Variants in EXO1 observed in about 807,000 individuals in gnomAD.
EXO1 encodes exonuclease 1.
In EXO1, 69 loss-of-function variants were observed where a neutral mutation model predicts 84.5. The observed-to-expected ratio is 0.82, with a 90% CI of 0.67 to 1.00. The LOEUF (loss-of-function observed/expected upper bound fraction) is 1.00, where lower values mean the gene tolerates loss of function less well. EXO1 is among the 50% of genes least tolerant of loss of function. The pLI is 0.00. For missense variants in EXO1, 1,045 were observed against 1,000.7 expected (o/e 1.04, Z -0.60); for synonymous variants, 373 against 366.1 (o/e 1.02, Z -0.21).
intron 15 of EXO1, among the ~76,000 whole-genome samples, chr1:241,885,864 T>TTGAGAGA (rs1663041529): frequency 1.9e-3 from 4 of 2,076 alleles, no homozygotes; most frequent in Admixed American, 0.013. Flanking sequence ...TTTTGTTTTT[T>TTGAGAGA]GTTTTTTTGA....
chr1:241,852,008 T>C (rs1660698271), intron 4 of EXO1, among the ~76,000 whole-genome samples: 1 of 152,190 alleles, frequency 6.6e-6, no homozygotes, highest in African/African-American at 2.4e-5. Context: ...AAACCAAAGA[T>C]GTCAGAATTA....
rs543887227 is a variant in EXO1 at position 241,867,029 on chromosome 1, C to A, written c.1241C>A (p.Ser414Ter). The A allele has an allele frequency of 1.5e-5, 25 of 1,613,480 alleles. No individual in the cohort carries two copies. Among genetic ancestry groups the A allele is most frequent in the Non-Finnish European group, 2.1e-5 (25 of 1,179,552 alleles). ...STKGLNLPRK[S>*]SIVKRPRSAE... Reference sequence around the variant, plus strand: ...AAAGGGTTAAATCTCCCAAGGAAATCATCCATTGTGAAAAGACCAAGAAGT... The same window carrying A: ...AAAGGGTTAAATCTCCCAAGGAAATAATCCATTGTGAAAAGACCAAGAAGT... Residue 414 changes from serine to a stop codon, truncating the protein, a stop_gained, in exon 11 of 16, where the codon TCA (serine) becomes TAA (stop). Transcript: ENST00000366548. LOFTEE classifies it high-confidence loss of function.
At chr1:241,858,454 T>TA (rs1222314433) in intron 7 of EXO1, 52 bp from the exon 8 acceptor site, 2 of 1,114,670 alleles carry the variant, frequency 1.8e-6, no homozygotes, top group African/African-American at 3.1e-5. Flanking sequence ...GTGGATTAGA[T>TA]AATGACAAAA....
chr1:241,852,409 AGAGT>A lies in EXO1; in HGVS notation c.280_281+2del. The A allele has an allele frequency of 6.3e-7, 1 of 1,597,314 alleles. No homozygotes were observed. Among genetic ancestry groups the A allele is most frequent in the Non-Finnish European group, 8.6e-7 (1 of 1,165,940 alleles). ...AAAAGGAAGTAGAGAGATCTAGAAG[AGAGT>A]AAGTTAATTCTCTACTTAATCTCTA... On this transcript the variant is annotated splice_donor_variant and coding_sequence_variant, in exon 5 of 16. Transcript: ENST00000366548. LOFTEE classifies it high-confidence loss of function.
At chr1:241,858,136 CAAT>C (rs1386601719) in intron 7 of EXO1, among the ~76,000 whole-genome samples, 1 of 151,936 alleles carries the variant, frequency 6.6e-6, no homozygotes, top group Non-Finnish European at 1.5e-5. Flanking sequence ...TGAATTGCTT[CAAT>C]AATAAGGAAA....
At chr1:241,872,434 C>T (rs1490772729) in intron 12 of EXO1, among the ~76,000 whole-genome samples, 156 bp downstream of exon 12, 1 of 151,966 alleles carries the variant, frequency 6.6e-6, no homozygotes, top group Non-Finnish European at 1.5e-5. Flanking sequence ...ATACATGTGC[C>T]ATGGTGATTT....
At chr1:241,858,905 TC>T (rs1461896045) in intron 8 of EXO1, among the ~76,000 whole-genome samples, 187 bp downstream of exon 8, 39 of 152,256 alleles carry the variant, frequency 2.6e-4, no homozygotes, top group Admixed American at 2.6e-3. Context: ...AATCATGTTT[TC>T]TGCAATTGGC....
intron 6 of EXO1, among the ~76,000 whole-genome samples, chr1:241,855,337 G>T (rs1332538859): frequency 6.6e-6 from 1 of 152,122 alleles, no homozygotes; most frequent in Non-Finnish European, 1.5e-5. Context: ...CCCCACCAGA[G>T]CAGCTAGATA....
At position 241,858,570 on chromosome 1, in the gene EXO1, G is replaced by A. The variant is rs778310924; in HGVS notation, c.608G>A (p.Cys203Tyr). 1.2e-6 allele frequency: 2 copies of A among 1,613,980 alleles called. No homozygotes were observed. Among genetic ancestry groups the A allele is most frequent in the Non-Finnish European group, 1.7e-6 (2 of 1,179,970 alleles). ...ATTGATCAAGCTCGGCTAGGAATGT[G>A]CAGACAGCTTGGGGATGTATTCACG... ...LEIDQARLGM[C>Y]RQLGDVFTEE... is the part of the protein sequence containing the mutation. The change falls in exon 8 of 16, where the codon TGC (cysteine) becomes TAC (tyrosine). Residue 203 changes from cysteine to tyrosine, a missense_variant. Cys to Tyr is a radical substitution (Grantham distance 194, BLOSUM62 -2). Coordinates refer to ENST00000366548, the MANE Select transcript of EXO1 (RefSeq NM_130398.4).
Position 241,878,495 on chromosome 1 carries a change from C to CAAA in EXO1, c.1515-242_1515-240dup, listed in dbSNP as rs34265528. Reference sequence around the variant, plus strand: ...CTGGTGACAGAGAGAGACTCTGTCTCAAAAAAAAAAAAAAGAAGGAAAATC... The same window carrying CAAA: ...CTGGTGACAGAGAGAGACTCTGTCTCAAAAAAAAAAAAAAAAAGAAGGAAAATC... On this transcript the variant is annotated intron_variant, in intron 12 of 15. Coordinates refer to ENST00000366548, the MANE Select transcript of EXO1 (RefSeq NM_130398.4). Among the ~76,000 whole-genome samples, 223 of 129,788 alleles carry CAAA rather than the reference C, an allele frequency of 1.7e-3. 1 individual carries two copies. The highest frequency in any genetic ancestry group is 5.0e-3 in the Admixed American group (65 of 13,030). The allele number at this position is 129,788 out of a possible 152,430, so 85.1% of individuals were successfully genotyped here. A position where few individuals can be genotyped will look rare whatever the true frequency, so the allele number is the denominator to read the frequency against.
intron 7 of EXO1, among the ~76,000 whole-genome samples, chr1:241,857,925 A>G (rs1355139763): frequency 2.6e-5 from 4 of 152,188 alleles, no homozygotes. Context: ...TATGTATAAA[A>G]CTATTTCATG....
Position 241,889,478 on chromosome 1 carries a change from C to A in EXO1, c.2419C>A (p.Leu807Ile). ...TGTATTTTGCAGAGATTCTGAAAAG[C>A]TTCCTCCTTGTAAGAAACCCCTGTC... is the stretch of plus-strand genomic sequence containing the variant. ...NFGFKKDSEK[L>I]PPCKKPLSPV... The change falls in exon 16 of 16, where the codon CTT becomes ATT. Residue 807 changes from leucine to isoleucine, a missense_variant. By Grantham distance (5) the Leu-to-Ile change is conservative. Transcript: ENST00000366548. The A allele has an allele frequency of 1.2e-6, 2 of 1,613,366 alleles. No individual in the cohort carries two copies. The highest frequency in any genetic ancestry group is 1.7e-6 in the Non-Finnish European group (2 of 1,179,312).
chr1:241,882,924 T>C (rs1010144238), intron 14 of EXO1, among the ~76,000 whole-genome samples: 1 of 152,192 alleles, frequency 6.6e-6, no homozygotes, highest in African/African-American at 2.4e-5. Flanking sequence ...TTTAAACCAG[T>C]AAGTGCATTC....
At chr1:241,871,954 G>C (rs1180127906) in intron 11 of EXO1, 78 bp from the exon 12 acceptor site, 22 of 1,008,562 alleles carry the variant, frequency 2.2e-5, no homozygotes, top group Non-Finnish European at 3.4e-5. Context: ...TAGGACAATG[G>C]GATATAAACT....
At chr1:241,866,016 T>C (rs1661699046) in intron 10 of EXO1, among the ~76,000 whole-genome samples, 1 of 152,236 alleles carries the variant, frequency 6.6e-6, no homozygotes, top group African/African-American at 2.4e-5. Context: ...TTTGTGTCTT[T>C]GCTAATTTTT....
intron 14 of EXO1, among the ~76,000 whole-genome samples, chr1:241,884,686 C>T (rs575431727): frequency 9.8e-4 from 148 of 151,586 alleles, no homozygotes; most frequent in African/African-American, 3.5e-3. Context: ...TGCACGTGCA[C>T]GTAAGTCAGT....
rs748983798 is a variant in EXO1, at chr1:241,878,972, T to C, written c.1738T>C (p.Phe580Leu). Residue 580 changes from phenylalanine (F) to leucine (L), a missense_variant, in exon 13 of 16, where the codon TTT becomes CTT. By Grantham distance (22) the Phe-to-Leu change is conservative (BLOSUM62 0). Coordinates refer to ENST00000366548, the MANE Select transcript of EXO1 (RefSeq NM_130398.4). The stretch of plus-strand genomic sequence containing the variant: ...TCATATTCCAGACAAGGCAACAGTG[T>C]TTACAGATGAAGAGTCCTACTCTTT... ...GDHIPDKATV[F>L]TDEESYSFES... The C allele has an allele frequency of 1.2e-6, 2 of 1,614,128 alleles. No individual in the cohort carries two copies. The highest frequency in any genetic ancestry group is 1.1e-5 in the South Asian group (1 of 91,084).
Position 241,872,215 on chromosome 1 carries a change from C to T in EXO1, c.1451C>T (p.Ala484Val), listed in dbSNP as rs1662147177. ...CCACCTAGGACGAGAAATAAATTTGCAACATTTTTACAAAGGAAAAATGAA... is the reference window on the plus strand; with the variant it reads ...CCACCTAGGACGAGAAATAAATTTGTAACATTTTTACAAAGGAAAAATGAA... The part of the protein sequence containing the change: ...STPPRTRNKF[A>V]TFLQRKNEES... Residue 484 changes from alanine (A) to valine (V), a missense_variant, in exon 12 of 16, where the codon GCA (alanine) becomes GTA (valine). Coordinates refer to ENST00000366548, the MANE Select transcript of EXO1 (RefSeq NM_130398.4). 3.1e-6 allele frequency: 5 copies of T among 1,613,876 alleles called. No individual in the cohort carries two copies. Among genetic ancestry groups the T allele is most frequent in the Non-Finnish European group, 4.2e-6 (5 of 1,179,872 alleles).
chr1:241,881,330 C>T (rs1189305373), intron 13 of EXO1, among the ~76,000 whole-genome samples: 1 of 152,166 alleles, frequency 6.6e-6, no homozygotes, highest in Admixed American at 6.5e-5. Flanking sequence ...CCGCCCCTGG[C>T]CTTACTGTCC....
Sources: gnomAD v4.1 joint callset for allele counts (sites outside exome capture counted in the v4.1 genomes callset) on GRCh38, gnomAD v4.1.1 for gene constraint, MANE v1.5 for transcripts, NCBI Gene and HGNC (gene_info 2026-07-23, HGNC 2026-07-21) for gene names.